The following BHLHE41 variants were observed in gnomAD, a reference collection of about 807,000 sequenced individuals.
BHLHE41 encodes the protein class E basic helix-loop-helix protein 41.
BHLHE41 carries 14 observed loss-of-function variants against 24.0 expected under a neutral mutation model. That is an observed-to-expected ratio of 0.58 (90% confidence interval 0.39 to 0.91). BHLHE41 has a LOEUF of 0.91. Ranked by LOEUF, BHLHE41 falls within the 40% of genes least tolerant of loss-of-function variation. BHLHE41 has a pLI of 0.00. For missense variants in BHLHE41, 674 were observed against 655.4 expected (o/e 1.03, Z -0.31); for synonymous variants, 394 against 315.5 (o/e 1.25, Z -2.64).
In BHLHE41 at chr12:26,122,252, G is replaced by T. The variant is rs1370792794; in HGVS notation, c.1263C>A (p.Pro421=). The T allele has an allele frequency of 1.6e-6, 2 of 1,270,300 alleles. No homozygotes were observed. The highest frequency in any genetic ancestry group is 3.3e-5 in the East Asian group (1 of 30,610). The allele number at this position is 1,270,300 out of a possible 1,614,324, so 78.7% of individuals were successfully genotyped here. The change falls in exon 5 of 5, where the codon CCC becomes CCA. Residue 421 remains proline (P), a synonymous_variant. Transcript: ENST00000242728. ...AFPCLSSVLS[P]PPEKAGAAAA... is the part of the protein sequence containing the mutation. ...CGGCGGCGCCCGCCTTCTCGGGAGG[G>T]GGCGACAACACCGAGGACAGGCAGG... is the stretch of plus-strand genomic sequence containing the variant.
intron 3 of BHLHE41, 73 bp from the exon 4 acceptor site, chr12:26,123,814 T>A (rs1655034350): frequency 1.0e-6 from 1 of 977,324 alleles, no homozygotes; most frequent in South Asian, 1.3e-5. Context: ...GGCTGTCCAT[T>A]CAGCACAGCA....
Position 26,123,092 on chromosome 12 carries a change from T to A in BHLHE41, c.423A>T (p.Glu141Asp), listed in dbSNP as rs1375104017. Residue 141 changes from glutamate (E) to aspartate (D), a missense_variant, in exon 5 of 5, where the codon GAA becomes GAT. Around this residue, in one of 3 missense-constraint regions of BHLHE41, gnomAD observed 602 missense variants for 570.8 expected, o/e 1.05. Coordinates refer to ENST00000242728, the MANE Select transcript of BHLHE41 (RefSeq NM_030762.3). The part of the protein sequence containing the change: ...FHSGFQTCAK[E>D]VLQYLSRFES... ...CAAACCGGGAGAGGTATTGCAAGACTTCTTTGGCGCATGTTTGAAATCCCG... is the reference window on the plus strand; with the variant it reads ...CAAACCGGGAGAGGTATTGCAAGACATCTTTGGCGCATGTTTGAAATCCCG... 2 of 1,606,642 alleles carry A rather than the reference T, an allele frequency of 1.2e-6. No individual in the cohort carries two copies. The highest frequency in any genetic ancestry group is 1.7e-6 in the Non-Finnish European group (2 of 1,176,594).
chr12:26,124,487 G>C (rs76786372), intron 2 of BHLHE41, 32 bp downstream of exon 2: 33,865 of 1,602,258 alleles, frequency 0.021, 445 homozygotes, highest in African/African-American at 0.044. Context: ...TACCCATGCA[G>C]GTTATGAGGA....
At position 26,124,065 on chromosome 12, in the gene BHLHE41, A is replaced by C. The variant is rs202094138; in HGVS notation, c.234+7T>G. The C allele has an allele frequency of 6.4e-7, 1 of 1,565,494 alleles. No homozygotes were observed. The highest frequency in any genetic ancestry group is 8.8e-7 in the Non-Finnish European group (1 of 1,135,768). ...AGAGCAGCAAAGAATGAAAATGTGC[A>C]TCTTACTGTCAATTTCAGATGTTCA... is the stretch of plus-strand genomic sequence containing the variant. On this transcript the variant is annotated splice_region_variant and intron_variant, in intron 3 of 4. Transcript: ENST00000242728.
intron 4 of BHLHE41, 38 bp from the exon 5 acceptor site, chr12:26,123,206 G>A (rs146343040): frequency 2.0e-4 from 302 of 1,540,302 alleles, no homozygotes; most frequent in Admixed American, 9.8e-5. Context: ...GGACGGAGGA[G>A]TGGAGGCAAG....
Position 26,122,527 on chromosome 12 carries a change from C to G in BHLHE41, c.988G>C (p.Gly330Arg), listed in dbSNP as rs1427914352. The G allele has an allele frequency of 2.2e-5, 28 of 1,276,878 alleles. No homozygotes were observed. Among genetic ancestry groups the G allele is most frequent in the South Asian group, 3.9e-5 (2 of 50,786 alleles). The allele number at this position is 1,276,878 out of a possible 1,614,324, so 79.1% of individuals were successfully genotyped here. Residue 330 changes from glycine (G) to arginine (R), a missense_variant, in exon 5 of 5, where the codon GGC (glycine) becomes CGC (arginine). Coordinates refer to ENST00000242728, the MANE Select transcript of BHLHE41 (RefSeq NM_030762.3). ...GGGAAGGGCGCGCCTCCGCCTCCGC[C>G]GAACGCCACCAGCGAGCTGAGCAGG... ...AALLSSLVAFGGGGGAPFPQP... is the reference protein window; with the variant it reads ...AALLSSLVAFRGGGGAPFPQP...
rs1461899209 is a variant in BHLHE41, at chr12:26,120,099, C to G, written c.*1967G>C. On this transcript the variant is annotated 3_prime_UTR_variant, in exon 5 of 5. Transcript: ENST00000242728. ...ACGAGCAGGTAGACAAAGCCAGAGCCTGGAGGCTTGCAAGAGATTGGAAAT... is the reference window on the plus strand; with the variant it reads ...ACGAGCAGGTAGACAAAGCCAGAGCGTGGAGGCTTGCAAGAGATTGGAAAT... 5 of 152,096 alleles carry G rather than the reference C, an allele frequency of 3.3e-5. No homozygotes were observed. The highest frequency in any genetic ancestry group is 5.9e-5 in the Non-Finnish European group (4 of 68,016). The allele number at this position is 152,096 out of a possible 1,614,324, so 9.4% of individuals were successfully genotyped here. A position where few individuals can be genotyped will look rare whatever the true frequency, so the allele number is the denominator to read the frequency against.
chr12:26,123,304 G>T, intron 4 of BHLHE41, 136 bp from the exon 5 acceptor site: 1 of 1,233,662 alleles, frequency 8.1e-7, no homozygotes, highest in Non-Finnish European at 1.1e-6. Context: ...GTATTCAAGT[G>T]ATATAATCCA....
Position 26,121,824 on chromosome 12 carries a change from TG to T in BHLHE41, c.*241del, listed in dbSNP as rs1205512991. 2 of 817,998 alleles carry T rather than the reference TG, an allele frequency of 2.4e-6. No individual in the cohort carries two copies. The highest frequency in any genetic ancestry group is 3.3e-6 in the Non-Finnish European group (2 of 599,130). 50.7% of individuals were successfully genotyped at this position (817,998 alleles called of 1,614,324 possible). A position where few individuals can be genotyped will look rare whatever the true frequency, so the allele number is the denominator to read the frequency against. ...TTCGCATAGGATCTTTTACAGCTGGTGGGGGGAAGAAAGGGATGTTAGTGTG... is the reference window on the plus strand; with the variant it reads ...TTCGCATAGGATCTTTTACAGCTGGTGGGGGAAGAAAGGGATGTTAGTGTG... On this transcript the variant is annotated 3_prime_UTR_variant, in exon 5 of 5. Transcript: ENST00000242728.
At chr12:26,124,473 T>G (rs377513668) in intron 2 of BHLHE41, 46 bp downstream of exon 2, 6 of 1,573,668 alleles carry the variant, frequency 3.8e-6, no homozygotes, top group African/African-American at 1.4e-5. Context: ...TGGCTCTAAT[T>G]AACTACCCAT....
chr12:26,124,288 T>C (rs1156871526), intron 2 of BHLHE41, 109 bp from the exon 3 acceptor site: 7 of 550,830 alleles, frequency 1.3e-5, no homozygotes, highest in African/African-American at 2.5e-5. Flanking sequence ...ACATACTATG[T>C]GATAAACTAC....
Position 26,121,184 on chromosome 12 carries a change from T to A in BHLHE41, c.*882A>T, listed in dbSNP as rs1213094272. ...CTTGAGATGTGTATGTATAGATACC[T>A]ATCTATGGATAAATAGAAATCTGTA... On this transcript the variant is annotated 3_prime_UTR_variant, in exon 5 of 5. Transcript: ENST00000242728. 1.3e-5 allele frequency: 2 copies of A among 152,398 alleles called. No individual in the cohort carries two copies. The highest frequency in any genetic ancestry group is 4.1e-4 in the South Asian group (2 of 4,830). The allele number at this position is 152,398 out of a possible 1,614,324, so 9.4% of individuals were successfully genotyped here.
chr12:26,124,468 C>G (rs1459039891), intron 2 of BHLHE41, 51 bp downstream of exon 2: 1 of 1,563,960 alleles, frequency 6.4e-7, no homozygotes, highest in Non-Finnish European at 8.8e-7. Context: ...ATCAATGGCT[C>G]TAATTAACTA....
chr12:26,123,540 G>C (rs1217609945), intron 4 of BHLHE41, 90 bp downstream of exon 4: 1 of 909,568 alleles, frequency 1.1e-6, no homozygotes, highest in South Asian at 1.3e-5. Flanking sequence ...CACGGAAAGA[G>C]ATGGGGTGCG....
intron 2 of BHLHE41, 132 bp from the exon 3 acceptor site, chr12:26,124,311 T>C: frequency 3.4e-6 from 2 of 580,706 alleles, no homozygotes; most frequent in South Asian, 1.6e-5. Context: ...CCAAGAAACC[T>C]CTTTCCTCTG....
At position 26,122,488 on chromosome 12, in the gene BHLHE41, C is replaced by G. The variant is rs927252548; in HGVS notation, c.1027G>C (p.Ala343Pro). The G allele has an allele frequency of 7.5e-7, 1 of 1,324,838 alleles. No individual in the cohort carries two copies. Among genetic ancestry groups the G allele is most frequent in the Admixed American group, 2.9e-5 (1 of 35,018 alleles). The allele number at this position is 1,324,838 out of a possible 1,614,324, so 82.1% of individuals were successfully genotyped here. Reference protein sequence around the residue: ...GGAPFPQPAAAAAPFCLPFCF... With the variant: ...GGAPFPQPAAPAAPFCLPFCF... Reference sequence around the variant, plus strand: ...AAGGGCAGGCAGAAGGGGGCCGCGGCGGCCGCGGGCTGCGGGAAGGGCGCG... The same window carrying G: ...AAGGGCAGGCAGAAGGGGGCCGCGGGGGCCGCGGGCTGCGGGAAGGGCGCG... Residue 343 changes from alanine (A) to proline (P), a missense_variant, in exon 5 of 5, where the codon GCC (alanine) becomes CCC (proline). Coordinates refer to ENST00000242728, the MANE Select transcript of BHLHE41 (RefSeq NM_030762.3).
rs575275847 is a variant in BHLHE41, at chr12:26,123,520, C to T, written c.346+110G>A. 3 of 835,020 alleles carry T rather than the reference C, an allele frequency of 3.6e-6. No homozygotes were observed. The South Asian group carries it at 4.0e-5, about 11-fold the overall frequency. The allele number at this position is 835,020 out of a possible 1,614,324, so 51.7% of individuals were successfully genotyped here. ...AAGCAATTTAACAAATGAGAGGGAA[C>T]CCATGAGCCCACGGAAAGAGATGGG... On this transcript the variant is annotated intron_variant, in intron 4 of 4. Transcript: ENST00000242728.
At position 26,124,862 on chromosome 12, in the gene BHLHE41, G is replaced by T; in HGVS notation, c.-83C>A. ...TGGGACGGTAGGCTTGGGAGACCTT[G>T]GGGGGATCTGTGCGTCTCCAGTCTC... is the stretch of plus-strand genomic sequence containing the variant. On this transcript the variant is annotated 5_prime_UTR_variant, in exon 1 of 5. Coordinates refer to ENST00000242728, the MANE Select transcript of BHLHE41 (RefSeq NM_030762.3). The T allele has an allele frequency of 7.4e-7, 1 of 1,354,632 alleles. No individual in the cohort carries two copies. The highest frequency in any genetic ancestry group is 1.1e-6 in the Non-Finnish European group (1 of 947,980). 83.9% of individuals were successfully genotyped at this position (1,354,632 alleles called of 1,614,324 possible). A position where few individuals can be genotyped will look rare whatever the true frequency, so the allele number is the denominator to read the frequency against.
chr12:26,122,037 T>C lies in BHLHE41; in HGVS notation c.*29A>G. On this transcript the variant is annotated 3_prime_UTR_variant, in exon 5 of 5. Transcript: ENST00000242728. Reference sequence around the variant, plus strand: ...GGGTATTTTAACTTCTCACTCTGCTTGAACCTCCGTCCTTCGGGACGCAAG... The same window carrying C: ...GGGTATTTTAACTTCTCACTCTGCTCGAACCTCCGTCCTTCGGGACGCAAG... 1 of 1,548,558 alleles carries C rather than the reference T, an allele frequency of 6.5e-7. No individual in the cohort carries two copies. Among genetic ancestry groups the C allele is most frequent in the Admixed American group, 2.0e-5 (1 of 50,950 alleles).
Sources: allele counts gnomAD v4.1 joint callset, GRCh38; gene constraint gnomAD v4.1.1; regional missense constraint gnomAD v4.1.1; transcripts MANE v1.5; gene names NCBI Gene and HGNC (gene_info 2026-07-23, HGNC 2026-07-21).